The following NUDT2 variants were observed in gnomAD, a reference collection of about 807,000 sequenced individuals.
NUDT2 encodes the protein bis(5'-nucleosyl)-tetraphosphatase [asymmetrical].
A neutral mutation model predicts 14.2 loss-of-function variants in NUDT2; 12 were observed. The observed-to-expected ratio is 0.84, with a 90% confidence interval of 0.54 to 1.37. The LOEUF is 1.37. NUDT2 is among the 40% of genes most tolerant of loss of function. The pLI is 0.00. For missense variants in NUDT2, 167 were observed against 176.7 expected (o/e 0.95, Z 0.31); for synonymous variants, 67 against 67.4 (o/e 0.99, Z 0.03).
intron 1 of NUDT2, among the ~76,000 whole-genome samples, chr9:34,334,109 A>G (rs1838025055): frequency 6.6e-6 from 1 of 152,208 alleles, no homozygotes; most frequent in Non-Finnish European, 1.5e-5. Context: ...ACCTAAAGTT[A>G]CATTTCTGAG....
At chr9:34,331,660 A>G (rs1033399847) in intron 1 of NUDT2, among the ~76,000 whole-genome samples, 35 of 152,240 alleles carry the variant, frequency 2.3e-4, no homozygotes, top group Non-Finnish European at 7.3e-5. Context: ...TTGGTAGAGA[A>G]GGGAGGAGAA....
chr9:34,338,359 T>TGGCCA (rs1838150912), intron 2 of NUDT2, among the ~76,000 whole-genome samples: 1 of 53,564 alleles, frequency 1.9e-5, no homozygotes, highest in Non-Finnish European at 4.5e-5. Context: ...AAAAAAAAAT[T>TGGCCA]GGCCAGGCAT....
intron 2 of NUDT2, 142 bp downstream of exon 2, chr9:34,336,483 T>C (rs766508159): frequency 1.3e-5 from 2 of 152,230 alleles, no homozygotes; most frequent in African/African-American, 2.4e-5. Context: ...CTGTCTCCTT[T>C]TCATGTGTCT....
intron 2 of NUDT2, among the ~76,000 whole-genome samples, chr9:34,337,101 G>A (rs929668818): frequency 6.7e-6 from 1 of 149,338 alleles, no homozygotes; most frequent in African/African-American, 2.5e-5. Flanking sequence ...CCGGGTTCAA[G>A]TGATTCTTCT....
At chr9:34,341,785 C>T (rs997245929) in intron 4 of NUDT2, among the ~76,000 whole-genome samples, 1 of 152,210 alleles carries the variant, frequency 6.6e-6, no homozygotes, top group Non-Finnish European at 1.5e-5. Flanking sequence ...GTTGGGATTA[C>T]AGGCATGAGC....
At chr9:34,331,369 A>G (rs1837931174) in intron 1 of NUDT2, among the ~76,000 whole-genome samples, 1 of 152,224 alleles carries the variant, frequency 6.6e-6, no homozygotes, top group Admixed American at 6.5e-5. Context: ...CACAACAACC[A>G]TGCAAAGTAG....
intron 4 of NUDT2, among the ~76,000 whole-genome samples, chr9:34,339,662 G>T (rs568789779): frequency 1.8e-4 from 28 of 152,202 alleles, no homozygotes; most frequent in African/African-American, 6.3e-4. Context: ...GGGCAAAATG[G>T]CAAAACCATG....
intron 1 of NUDT2, among the ~76,000 whole-genome samples, chr9:34,334,783 A>T (rs1460464313): frequency 1.3e-5 from 2 of 152,272 alleles, no homozygotes; most frequent in East Asian, 3.9e-4. Context: ...TATACTAGGT[A>T]TATGTGCTTG....
chr9:34,333,259 C>G, intron 1 of NUDT2, among the ~76,000 whole-genome samples: 1 of 152,112 alleles, frequency 6.6e-6, no homozygotes, highest in East Asian at 1.9e-4. Flanking sequence ...GGCCCTCTCC[C>G]CCCAACTAAA....
Position 34,338,854 on chromosome 9 carries a change from C to T in NUDT2, c.-17+7C>T. 1.9e-6 allele frequency: 1 copy of T among 519,396 alleles called. No individual in the cohort carries two copies. Among genetic ancestry groups the T allele is most frequent in the South Asian group, 2.9e-5 (1 of 35,048 alleles). The allele number at this position is 519,396 out of a possible 1,614,324, so 32.2% of individuals were successfully genotyped here. On this transcript the variant is annotated splice_region_variant and intron_variant, in intron 3 of 4. Transcript: ENST00000379158. ...CCTGCAGTTATACACAAAGGTCAGTCTCTGATTCCTGGATGCCTTCCATTG... is the reference window on the plus strand; with the variant it reads ...CCTGCAGTTATACACAAAGGTCAGTTTCTGATTCCTGGATGCCTTCCATTG...
intron 4 of NUDT2, among the ~76,000 whole-genome samples, chr9:34,342,549 T>G (rs1820218043): frequency 6.6e-6 from 1 of 152,168 alleles, no homozygotes; most frequent in South Asian, 2.1e-4. Flanking sequence ...AAAAGAGCAG[T>G]ATTCTAAACC....
At chr9:34,332,729 C>T (rs534191604) in intron 1 of NUDT2, among the ~76,000 whole-genome samples, 14 of 152,324 alleles carry the variant, frequency 9.2e-5, no homozygotes, top group Admixed American at 3.3e-4. Context: ...TCAGCAGCTT[C>T]GTCTCTGCAA....
intron 4 of NUDT2, 48 bp from the exon 5 acceptor site, chr9:34,343,076 A>C: frequency 1.3e-6 from 2 of 1,512,896 alleles, no homozygotes; most frequent in Non-Finnish European, 1.8e-6. Flanking sequence ...AGCTTTGGGA[A>C]CTTTGGAAGA....
intron 2 of NUDT2, among the ~76,000 whole-genome samples, chr9:34,337,311 C>T (rs1218872251): frequency 1.3e-5 from 2 of 152,140 alleles, no homozygotes; most frequent in Admixed American, 6.5e-5. Flanking sequence ...GTTGTGTGTA[C>T]ATCTTAAACC....
At chr9:34,338,930 G>T in intron 3 of NUDT2, 83 bp downstream of exon 3, 1 of 1,045,494 alleles carries the variant, frequency 9.6e-7, no homozygotes, top group East Asian at 2.4e-5. Context: ...CAGTTAGCTA[G>T]TCTGCATTAC....
At chr9:34,330,083 TAAAC>T (rs1023727763) in intron 1 of NUDT2, among the ~76,000 whole-genome samples, 28 of 152,188 alleles carry the variant, frequency 1.8e-4, no homozygotes, top group Non-Finnish European at 3.2e-4. Context: ...CCCACCGCCT[TAAAC>T]AAACAAACAA....
intron 2 of NUDT2, among the ~76,000 whole-genome samples, chr9:34,337,001 T>TC (rs1178682449): frequency 6.7e-6 from 1 of 148,570 alleles, no homozygotes; most frequent in Non-Finnish European, 1.5e-5. Context: ...TACATCTTTT[T>TC]TTTTTTTTTT....
intron 1 of NUDT2, among the ~76,000 whole-genome samples, chr9:34,335,566 G>A (rs943851634): frequency 6.6e-6 from 1 of 152,246 alleles, no homozygotes; most frequent in African/African-American, 2.4e-5. Flanking sequence ...ACGAGTAGGA[G>A]GTTGTGTGTA....
In NUDT2 at chr9:34,343,254, CA is replaced by C; in HGVS notation, c.260del (p.Lys87SerfsTer12). 1 of 1,614,056 alleles carries C rather than the reference CA, an allele frequency of 6.2e-7. No individual in the cohort carries two copies. Among genetic ancestry groups the C allele is most frequent in the Non-Finnish European group, 8.5e-7 (1 of 1,180,026 alleles). ...GGGAACTCAATTATGTGGCCAGGAA[CA>C]AGCCTAAAACAGTCATTTACTGGCT... ...KRELNYVARN[K>X]PKTVIYWLAE... is the part of the protein sequence containing the mutation. On this transcript the variant is annotated frameshift_variant, in exon 5 of 5. Transcript: ENST00000379158. LOFTEE classifies it high-confidence loss of function.
Sources: gnomAD v4.1 joint callset for allele counts (sites outside exome capture counted in the v4.1 genomes callset) on GRCh38, gnomAD v4.1.1 for gene constraint, MANE v1.5 for transcripts, NCBI Gene and HGNC (gene_info 2026-07-23, HGNC 2026-07-21) for gene names.